Variants in GRM7 observed in about 807,000 individuals in gnomAD.
The protein encoded by GRM7 is glutamate metabotropic receptor 7, also known as metabotropic glutamate receptor 7.
GRM7 carries 35 observed loss-of-function variants against 84.5 expected under a neutral mutation model. That is an observed-to-expected ratio of 0.41 (90% CI 0.32 to 0.55). The LOEUF (loss-of-function observed/expected upper bound fraction) is 0.55. Among genes scored for constraint, GRM7 ranks in the 20% least tolerant of loss-of-function variants. GRM7 has a pLI of 0.19. For synonymous variants in GRM7, 487 were observed against 455.1 expected (o/e 1.07, Z -0.89); for missense variants, 1,003 against 1,194.6 (o/e 0.84, Z 2.36).
intron 2 of GRM7, among the ~76,000 whole-genome samples, chr3:7,185,996 T>G (rs926288886): frequency 4.6e-5 from 7 of 152,146 alleles, no homozygotes; most frequent in African/African-American, 1.4e-4. Context: ...CCAGCTTAAC[T>G]AAAATTGCAT....
At chr3:7,720,704 A>G (rs1188380657) in intron 9 of GRM7, among the ~76,000 whole-genome samples, 1 of 152,240 alleles carries the variant, frequency 6.6e-6, no homozygotes, top group African/African-American at 2.4e-5. Context: ...GATAGGTGCT[A>G]AAGATAAAAA....
Position 7,713,580 on chromosome 3 carries a change from T to G in GRM7, c.2699-26777T>G, listed in dbSNP as rs192696240. On this transcript the variant is annotated intron_variant, in intron 9 of 9. Transcript: ENST00000357716. ...TCTACCTCCACTTTCTACAGCACCC[T>G]TGAATGAGTTCTCTGATCAGAATTT... is the stretch of plus-strand genomic sequence containing the variant. Among the ~76,000 whole-genome samples the G allele has an allele frequency of 4.2e-3, 638 of 152,214 alleles. 1 individual carries two copies. The highest frequency in any genetic ancestry group is 0.014 in the African/African-American group (578 of 41,532).
intron 1 of GRM7, among the ~76,000 whole-genome samples, chr3:6,973,520 A>G (rs982409670): frequency 6.6e-6 from 1 of 152,196 alleles, no homozygotes; most frequent in Non-Finnish European, 1.5e-5. Flanking sequence ...TAATAAACAT[A>G]TACTATATCA....
At chr3:7,127,331 C>T (rs1254894129) in intron 1 of GRM7, among the ~76,000 whole-genome samples, 4 of 152,182 alleles carry the variant, frequency 2.6e-5, no homozygotes, top group Non-Finnish European at 4.4e-5. Flanking sequence ...AGGAAACAGA[C>T]TGGGCAGAGA....
intron 8 of GRM7, among the ~76,000 whole-genome samples, chr3:7,587,833 C>A (rs138683686): frequency 3.6e-4 from 55 of 152,226 alleles, no homozygotes; most frequent in African/African-American, 1.3e-3. Context: ...TGAGAAGAAT[C>A]CCTTAGAGCA....
intron 7 of GRM7, among the ~76,000 whole-genome samples, chr3:7,471,427 G>A (rs1698696252): frequency 1.3e-5 from 2 of 152,138 alleles, no homozygotes; most frequent in Admixed American, 1.3e-4. Flanking sequence ...TGGGACTGAG[G>A]TCCCTGTTTC....
intron 1 of GRM7, among the ~76,000 whole-genome samples, chr3:7,079,233 A>C (rs1698199677): frequency 6.6e-6 from 1 of 152,122 alleles, no homozygotes; most frequent in Admixed American, 6.6e-5. Context: ...TTACAGTGTA[A>C]GGTCACTGCT....
At chr3:7,113,244 T>G (rs1253728758) in intron 1 of GRM7, among the ~76,000 whole-genome samples, 1 of 152,134 alleles carries the variant, frequency 6.6e-6, no homozygotes, top group East Asian at 1.9e-4. Context: ...ATTGTCATAG[T>G]TTAATTATAG....
At chr3:7,317,250 A>G (rs1477220266) in intron 4 of GRM7, among the ~76,000 whole-genome samples, 3 of 152,008 alleles carry the variant, frequency 2.0e-5, no homozygotes, top group African/African-American at 7.3e-5. Context: ...ATCCCCTAGA[A>G]TTCCCACCAA....
At chr3:7,569,100 A>T (rs1309770894) in intron 7 of GRM7, among the ~76,000 whole-genome samples, 1 of 152,128 alleles carries the variant, frequency 6.6e-6, no homozygotes, top group Non-Finnish European at 1.5e-5. Context: ...TGTCTAGCTA[A>T]GGGATTGTAA....
chr3:7,462,795 A>G, intron 7 of GRM7, among the ~76,000 whole-genome samples: 1 of 152,120 alleles, frequency 6.6e-6, no homozygotes, highest in East Asian at 1.9e-4. Flanking sequence ...ATACACATGA[A>G]CTGGCACTAA....
At chr3:7,253,167 A>G (rs757512560) in intron 2 of GRM7, among the ~76,000 whole-genome samples, 8 of 152,084 alleles carry the variant, frequency 5.3e-5, no homozygotes, top group Non-Finnish European at 1.2e-4. Flanking sequence ...CTATTTTAAA[A>G]TACCAACTTT....
intron 1 of GRM7, among the ~76,000 whole-genome samples, chr3:6,941,395 T>G (rs1237886506): frequency 1.3e-5 from 2 of 152,240 alleles, no homozygotes; most frequent in Non-Finnish European, 2.9e-5. Flanking sequence ...TACTTATTCT[T>G]TGTCTTTTAT....
intron 7 of GRM7, among the ~76,000 whole-genome samples, chr3:7,560,695 T>C (rs189573345): frequency 6.6e-6 from 1 of 152,246 alleles, no homozygotes; most frequent in East Asian, 1.9e-4. Context: ...GATCTTTGCA[T>C]ACATGCCGTG....
intron 7 of GRM7, among the ~76,000 whole-genome samples, chr3:7,564,215 T>A (rs998422829): frequency 1.5e-4 from 23 of 152,188 alleles, no homozygotes; most frequent in Admixed American, 2.6e-4. Context: ...GTATTGTCAC[T>A]AATAATTGTA....
chr3:7,535,402 G>T (rs1701204888), intron 7 of GRM7: 1 of 152,214 alleles, frequency 6.6e-6, no homozygotes, highest in African/African-American at 2.4e-5. Context: ...ATAAACAAAT[G>T]TAATATAGTT....
chr3:7,178,178 T>C (rs114002175), intron 2 of GRM7, among the ~76,000 whole-genome samples: 2,377 of 152,308 alleles, frequency 0.016, 44 homozygotes, highest in African/African-American at 0.046. Context: ...CTTCAGAAAG[T>C]CTGGACAAAA....
At chr3:7,270,128 G>T (rs549938046) in intron 2 of GRM7, among the ~76,000 whole-genome samples, 1 of 152,310 alleles carries the variant, frequency 6.6e-6, no homozygotes, top group South Asian at 2.1e-4. Context: ...TGCTGATGCT[G>T]CTGATCTGGG....
At chr3:7,401,070 T>C (rs1401268105) in intron 4 of GRM7, among the ~76,000 whole-genome samples, 11 of 152,144 alleles carry the variant, frequency 7.2e-5, no homozygotes, top group African/African-American at 2.7e-4. Context: ...ATTACATACT[T>C]TCAGAATCTC....
Sources: allele counts gnomAD v4.1 joint callset (sites outside exome capture counted in the v4.1 genomes callset), GRCh38; gene constraint gnomAD v4.1.1; transcripts MANE v1.5; gene names NCBI Gene and HGNC (gene_info 2026-07-23, HGNC 2026-07-21).